The following COL19A1 variants were observed in gnomAD, a reference collection of about 807,000 sequenced individuals.
COL19A1 encodes collagen alpha-1(XIX) chain.
COL19A1 carries 159 observed loss-of-function variants against 190.2 expected under a neutral mutation model. The observed-to-expected ratio is 0.84, with a 90% confidence interval of 0.73 to 0.95. The LOEUF is 0.95. COL19A1 is among the 40% of genes least tolerant of loss of function. COL19A1 has a pLI of 0.00. For missense variants in COL19A1, 1,418 were observed against 1,431.9 expected (o/e 0.99, Z 0.16); for synonymous variants, 509 against 458.9 (o/e 1.11, Z -1.39).
intron 18 of COL19A1, among the ~76,000 whole-genome samples, chr6:70,132,291 A>G (rs920357719): frequency 2.0e-5 from 3 of 152,176 alleles, no homozygotes; most frequent in South Asian, 2.1e-4. Context: ...CCAGCTTCCC[A>G]GGGAGGCTGA....
At chr6:70,098,164 T>C (rs999902872) in intron 15 of COL19A1, among the ~76,000 whole-genome samples, 1 of 152,058 alleles carries the variant, frequency 6.6e-6, no homozygotes, top group Non-Finnish European at 1.5e-5. Context: ...GCAAAGAAAA[T>C]AACAAAGATT....
At chr6:69,926,284 A>G (rs190725575) in intron 4 of COL19A1, among the ~76,000 whole-genome samples, 3 of 152,326 alleles carry the variant, frequency 2.0e-5, no homozygotes, top group Admixed American at 1.3e-4. Flanking sequence ...TACAGATAAA[A>G]GAGTGGCCAA....
rs1424002927 is a variant in COL19A1 at position 70,209,745 on chromosome 6, G to A, written c.*2471G>A. On this transcript the variant is annotated 3_prime_UTR_variant, in exon 51 of 51. Transcript: ENST00000620364. ...TTGACGTAACTAGAGAAACAAGGCT[G>A]TATCCACATGGTACAAGCCTTTCTC... 1.3e-5 allele frequency: 2 copies of A among 152,140 alleles called. No individual in the cohort carries two copies. Among genetic ancestry groups the A allele is most frequent in the Non-Finnish European group, 2.9e-5 (2 of 68,010 alleles). 9.4% of individuals were successfully genotyped at this position (152,140 alleles called of 1,614,324 possible). A position where few individuals can be genotyped will look rare whatever the true frequency, so the allele number is the denominator to read the frequency against.
chr6:70,054,550 G>C (rs1237335332), intron 14 of COL19A1, among the ~76,000 whole-genome samples: 1 of 152,128 alleles, frequency 6.6e-6, no homozygotes, highest in African/African-American at 2.4e-5. Flanking sequence ...ATTTGAATCT[G>C]TATGTAATAA....
intron 11 of COL19A1, among the ~76,000 whole-genome samples, chr6:69,996,957 T>C (rs1401280132): frequency 6.6e-6 from 1 of 151,144 alleles, no homozygotes; most frequent in Non-Finnish European, 1.5e-5. Flanking sequence ...TGTATGTACA[T>C]ATATAGTATG....
chr6:70,161,417 T>C (rs1206990392), intron 34 of COL19A1, among the ~76,000 whole-genome samples: 1 of 152,206 alleles, frequency 6.6e-6, no homozygotes, highest in African/African-American at 2.4e-5. Context: ...CAGATTAAAT[T>C]ATGTTTGCTT....
At position 69,888,202 on chromosome 6, in the gene COL19A1, C is replaced by T. The variant is rs548599975; in HGVS notation, c.91+8544C>T. On this transcript the variant is annotated intron_variant, in intron 2 of 50. Coordinates refer to ENST00000620364, the MANE Select transcript of COL19A1 (RefSeq NM_001858.6). ...GCCTGAAGGCAAGAACAGACAAAGCCGGTTATTAGAAAACACGTATCAAAA... is the reference window on the plus strand; with the variant it reads ...GCCTGAAGGCAAGAACAGACAAAGCTGGTTATTAGAAAACACGTATCAAAA... Among the ~76,000 whole-genome samples the T allele has an allele frequency of 1.2e-4, 19 of 152,112 alleles. No homozygotes were observed. In the South Asian group the frequency reaches 2.1e-3, roughly 17 times the overall value.
chr6:70,170,610 A>C (rs1178592795), intron 40 of COL19A1, among the ~76,000 whole-genome samples: 1 of 152,200 alleles, frequency 6.6e-6, no homozygotes, highest in Non-Finnish European at 1.5e-5. Context: ...ACTGTTGAGA[A>C]TGTAAACAAG....
intron 1 of COL19A1, among the ~76,000 whole-genome samples, chr6:69,878,106 G>T (rs891699833): frequency 6.6e-6 from 1 of 152,026 alleles, no homozygotes; most frequent in Non-Finnish European, 1.5e-5. Context: ...CACCTGAAAA[G>T]ATGTTCAACA....
intron 12 of COL19A1, among the ~76,000 whole-genome samples, chr6:70,027,694 T>A (rs911832740): frequency 6.7e-6 from 1 of 149,862 alleles, no homozygotes; most frequent in Admixed American, 6.6e-5. Context: ...TATATTAAAA[T>A]TTTCAAAAAT....
chr6:70,067,831 C>G (rs1781334761), intron 14 of COL19A1, among the ~76,000 whole-genome samples: 1 of 151,602 alleles, frequency 6.6e-6, no homozygotes, highest in Non-Finnish European at 1.5e-5. Flanking sequence ...AATCAGGAGA[C>G]TTGACTTTCA....
chr6:70,140,743 C>T (rs1786194947), intron 19 of COL19A1, among the ~76,000 whole-genome samples: 1 of 152,054 alleles, frequency 6.6e-6, no homozygotes. Flanking sequence ...ATGATTAACT[C>T]ATTGTTCATT....
intron 34 of COL19A1, among the ~76,000 whole-genome samples, chr6:70,161,663 C>T (rs531701846): frequency 1.3e-5 from 2 of 152,218 alleles, no homozygotes; most frequent in African/African-American, 4.8e-5. Flanking sequence ...AAATCGCAGA[C>T]TTCACCATTA....
At chr6:70,181,496 G>A (rs1295357265) in intron 44 of COL19A1, among the ~76,000 whole-genome samples, 4 of 151,676 alleles carry the variant, frequency 2.6e-5, no homozygotes, top group African/African-American at 4.8e-5. Flanking sequence ...CCCCTGCAAG[G>A]CATATCATTA....
intron 33 of COL19A1, 83 bp downstream of exon 33, chr6:70,156,452 T>C (rs1787446380): frequency 8.1e-7 from 1 of 1,230,456 alleles, no homozygotes; most frequent in Non-Finnish European, 1.2e-6. Context: ...AATAGACAAC[T>C]TTTAAAATAC....
At position 70,073,427 on chromosome 6, in the gene COL19A1, G is replaced by A. The variant is rs530015515; in HGVS notation, c.1224+4951G>A. 3.3e-3 allele frequency among the ~76,000 whole-genome samples: 506 copies of A among 152,332 alleles called. 2 individuals are homozygous for A. Among genetic ancestry groups the A allele is most frequent in the South Asian group, 0.023 (110 of 4,832 alleles). ...AACGCCTACCCCACAGGGCTGTGAT[G>A]AGGAGTAATGCCATGTCGGTGTTAG... On this transcript the variant is annotated intron_variant, in intron 15 of 50. Coordinates refer to ENST00000620364, the MANE Select transcript of COL19A1 (RefSeq NM_001858.6).
chr6:70,142,717 T>C (rs1433013816), intron 22 of COL19A1, 50 bp from the exon 23 acceptor site: 1 of 1,526,374 alleles, frequency 6.6e-7, no homozygotes, highest in Non-Finnish European at 8.9e-7. Flanking sequence ...CAATCTATCT[T>C]TTTTTTTCTT....
intron 7 of COL19A1, among the ~76,000 whole-genome samples, chr6:69,935,791 C>T (rs927386236): frequency 2.0e-5 from 3 of 151,626 alleles, no homozygotes; most frequent in Non-Finnish European, 4.4e-5. Context: ...CATAGGTAAA[C>T]GTGTGCCATG....
rs994465980 is a variant in COL19A1 at position 69,945,311 on chromosome 6, G to T, written c.936+7211G>T. Among the ~76,000 whole-genome samples the T allele has an allele frequency of 2.6e-5, 4 of 152,052 alleles. No homozygotes were observed. The South Asian group carries it at 8.3e-4, about 32-fold the overall frequency. On this transcript the variant is annotated intron_variant, in intron 9 of 50. Coordinates refer to ENST00000620364, the MANE Select transcript of COL19A1 (RefSeq NM_001858.6). ...GTTAGCTTATTTGACTTCTTAGTCAGAAACTGGTATTGATTTATTTCAACT... is the reference window on the plus strand; with the variant it reads ...GTTAGCTTATTTGACTTCTTAGTCATAAACTGGTATTGATTTATTTCAACT...
Sources: allele counts gnomAD v4.1 joint callset (sites outside exome capture counted in the v4.1 genomes callset), GRCh38; gene constraint gnomAD v4.1.1; transcripts MANE v1.5; gene names NCBI Gene and HGNC (gene_info 2026-07-23, HGNC 2026-07-21).